The following DCAF17 variants were observed in gnomAD, a reference collection of about 807,000 sequenced individuals.
The protein encoded by DCAF17 is DDB1- and CUL4-associated factor 17.
DCAF17 carries 48 observed loss-of-function variants against 66.0 expected under a neutral mutation model. The observed-to-expected ratio is 0.73, with a 90% CI of 0.58 to 0.92. The LOEUF (loss-of-function observed/expected upper bound fraction) is 0.92. Among genes scored for constraint, DCAF17 ranks in the 40% least tolerant of loss-of-function variants. The pLI, the probability that DCAF17 is intolerant of heterozygous loss-of-function variation, is 0.00. For synonymous variants in DCAF17, 206 were observed against 214.6 expected (o/e 0.96, Z 0.35); for missense variants, 562 against 622.8 (o/e 0.90, Z 1.04).
chr2:171,468,802 T>C, intron 8 of DCAF17, 86 bp from the exon 9 acceptor site: 1 of 1,538,814 alleles, frequency 6.5e-7, no homozygotes, highest in African/African-American at 1.4e-5. Flanking sequence ...AGATGTTGCA[T>C]GCAAAGAAAG....
chr2:171,436,503 G>A (rs998898633), intron 2 of DCAF17, among the ~76,000 whole-genome samples: 1 of 152,180 alleles, frequency 6.6e-6, no homozygotes, highest in African/African-American at 2.4e-5. Context: ...GTGACTCACA[G>A]CATCTCACTG....
chr2:171,450,014 G>T (rs1430624409), intron 5 of DCAF17, 57 bp downstream of exon 5: 36 of 1,404,218 alleles, frequency 2.6e-5, no homozygotes, highest in Non-Finnish European at 3.5e-5. Context: ...GAATTTGTCT[G>T]CAGATTTGTT....
At chr2:171,471,281 A>G (rs986096214) in intron 9 of DCAF17, among the ~76,000 whole-genome samples, 2 of 151,560 alleles carry the variant, frequency 1.3e-5, no homozygotes, top group South Asian at 4.2e-4. Flanking sequence ...GTAGATAACT[A>G]AAAAAAATGT....
rs1241627158 is a variant in DCAF17, at chr2:171,479,744, A to G, written c.1267-294A>G. The G allele has an allele frequency of 1.7e-5, 6 of 351,172 alleles. No individual in the cohort carries two copies. The East Asian group carries it at 2.9e-4, about 17-fold the overall frequency. The allele number at this position is 351,172 out of a possible 1,614,324, so 21.8% of individuals were successfully genotyped here. ...CAGTTGAATACTCTTTTAAATTTAG[A>G]GAATCTCTGATTTGCTGTCACTGTG... On this transcript the variant is annotated intron_variant, in intron 12 of 13. Transcript: ENST00000375255.
intron 8 of DCAF17, among the ~76,000 whole-genome samples, chr2:171,462,996 C>T (rs1232739783): frequency 1.3e-5 from 2 of 151,970 alleles, no homozygotes; most frequent in Non-Finnish European, 2.9e-5. Context: ...CTTTGGGAAG[C>T]GAGGCAAGTG....
At chr2:171,464,180 C>G (rs1475774965) in intron 8 of DCAF17, among the ~76,000 whole-genome samples, 1 of 152,110 alleles carries the variant, frequency 6.6e-6, no homozygotes, top group African/African-American at 2.4e-5. Flanking sequence ...TGATAGGGGG[C>G]CATTTTATTA....
At chr2:171,475,149 T>C (rs1002757342) in intron 10 of DCAF17, among the ~76,000 whole-genome samples, 1 of 152,206 alleles carries the variant, frequency 6.6e-6, no homozygotes, top group African/African-American at 2.4e-5. Context: ...TCCCTCTGTT[T>C]GAAGTCTGTT....
Position 171,480,079 on chromosome 2 carries a change from T to C in DCAF17, c.1308T>C (p.Leu436=). ...IVDYEDELDL[L]SVVAVTQIDA... ...ACTATGAAGATGAGTTAGATTTGCT[T>C]TCTGTGGTAGCTGTTACTCAAATAG... Residue 436 remains leucine, a synonymous_variant, in exon 13 of 14, where the codon CTT becomes CTC. Coordinates refer to ENST00000375255, the MANE Select transcript of DCAF17 (RefSeq NM_025000.4). The C allele has an allele frequency of 6.2e-7, 1 of 1,613,806 alleles. No individual in the cohort carries two copies. Among genetic ancestry groups the C allele is most frequent in the South Asian group, 1.1e-5 (1 of 91,084 alleles).
Position 171,481,886 on chromosome 2 carries a change from AGTG to A in DCAF17, c.*773_*775del. 2.2e-6 allele frequency: 1 copy of A among 454,030 alleles called. No homozygotes were observed. 28.1% of individuals were successfully genotyped at this position (454,030 alleles called of 1,614,324 possible). On this transcript the variant is annotated 3_prime_UTR_variant, in exon 14 of 14. Transcript: ENST00000375255. The stretch of plus-strand genomic sequence containing the variant: ...TCTCATCTCACCATTCTACTCATTT[AGTG>A]AGTTTTCTGATCTTGTTTAGGCAAT...
At position 171,473,917 on chromosome 2, in the gene DCAF17, A is replaced by G; in HGVS notation, c.1033A>G (p.Ile345Val). Residue 345 changes from isoleucine to valine, a missense_variant, in exon 10 of 14, where the codon ATC (isoleucine) becomes GTC (valine). Around this residue, in one of 3 missense-constraint regions of DCAF17, gnomAD observed 201 missense variants for 231.1 expected, o/e 0.87. Transcript: ENST00000375255. ...TTGTTGTTCTCTAGAATCTGACTGG[A>G]TCTATTTCCATCCTGATGCTTCTGG... Reference protein sequence around the residue: ...MDCCSLESDWIYFHPDASGRI... With the variant: ...MDCCSLESDWVYFHPDASGRI... 1 of 1,613,818 alleles carries G rather than the reference A, an allele frequency of 6.2e-7. No homozygotes were observed. Among genetic ancestry groups the G allele is most frequent in the Non-Finnish European group, 8.5e-7 (1 of 1,179,854 alleles).
chr2:171,478,884 T>G (rs2105811682), intron 12 of DCAF17, among the ~76,000 whole-genome samples: 1 of 152,290 alleles, frequency 6.6e-6, no homozygotes, highest in South Asian at 2.1e-4. Flanking sequence ...TAAAACTGTA[T>G]TCCAGAAAGA....
intron 2 of DCAF17, among the ~76,000 whole-genome samples, chr2:171,440,451 T>C (rs1235160906): frequency 6.6e-6 from 1 of 152,088 alleles, no homozygotes; most frequent in Admixed American, 6.5e-5. Context: ...GGCACACACC[T>C]GTAGTCCCAG....
In DCAF17 at chr2:171,434,624, G is replaced by A; in HGVS notation, c.47G>A (p.Arg16Gln). The change falls in exon 1 of 14, where the codon CGG (arginine) becomes CAG (glutamine). Residue 16 changes from arginine (R) to glutamine (Q), a missense_variant. Around this residue, in one of 3 missense-constraint regions of DCAF17, gnomAD observed 348 missense variants for 355.9 expected, o/e 0.98. Coordinates refer to ENST00000375255, the MANE Select transcript of DCAF17 (RefSeq NM_025000.4). ...KPNVCSRLSRRALGCFSRDAG... is the reference protein window; with the variant it reads ...KPNVCSRLSRQALGCFSRDAG... ...AACGTGTGCAGCCGGCTGAGTCGCC[G>A]GGCGCTGGGCTGCTTCTCGCGCGAC... The A allele has an allele frequency of 6.5e-7, 1 of 1,531,086 alleles. No individual in the cohort carries two copies. Among genetic ancestry groups the A allele is most frequent in the Non-Finnish European group, 8.7e-7 (1 of 1,146,728 alleles). The allele number at this position is 1,531,086 out of a possible 1,614,324, so 94.8% of individuals were successfully genotyped here.
Position 171,435,154 on chromosome 2 carries a change from A to G in DCAF17, c.198A>G (p.Ile66Met), listed in dbSNP as rs775568340. 5.6e-6 allele frequency: 9 copies of G among 1,613,710 alleles called. No individual in the cohort carries two copies. The highest frequency in any genetic ancestry group is 3.3e-5 in the Admixed American group (2 of 60,020). The change falls in exon 2 of 14, where the codon ATA becomes ATG. Residue 66 changes from isoleucine to methionine, a missense_variant. This residue lies in a region of DCAF17 where 348 missense variants were observed against 355.9 expected (regional missense o/e 0.98). Coordinates refer to ENST00000375255, the MANE Select transcript of DCAF17 (RefSeq NM_025000.4). ...RSPIAYERGRIYFDNYRRCVS... is the reference protein window; with the variant it reads ...RSPIAYERGRMYFDNYRRCVS... ...CTATAGCCTATGAGAGAGGAAGAAT[A>G]TATTTTGACAATTATCGGCGCTGTG...
At chr2:171,467,221 TA>T (rs143808941) in intron 8 of DCAF17, among the ~76,000 whole-genome samples, 17,432 of 149,660 alleles carry the variant, frequency 0.12, 1,170 homozygotes, top group Non-Finnish European at 0.15. Context: ...TTGCCACAAT[TA>T]AAAAAAAAAT....
Position 171,483,408 on chromosome 2 carries a change from T to C in DCAF17, c.*2294T>C. On this transcript the variant is annotated 3_prime_UTR_variant, in exon 14 of 14. Transcript: ENST00000375255. Reference sequence around the variant, plus strand: ...CCATCAGCAGGTACAGACGTTACGCTGAAAAGAGGTGCATTCTGCATTGCA... The same window carrying C: ...CCATCAGCAGGTACAGACGTTACGCCGAAAAGAGGTGCATTCTGCATTGCA... 1 of 454,104 alleles carries C rather than the reference T, an allele frequency of 2.2e-6. No individual in the cohort carries two copies. Among genetic ancestry groups the C allele is most frequent in the South Asian group, 1.6e-5 (1 of 64,476 alleles). The allele number at this position is 454,104 out of a possible 1,614,324, so 28.1% of individuals were successfully genotyped here. A position where few individuals can be genotyped will look rare whatever the true frequency, so the allele number is the denominator to read the frequency against.
rs150187836 is a variant in DCAF17, at chr2:171,468,965, G to A, written c.916G>A (p.Val306Ile). 60 of 1,614,016 alleles carry A rather than the reference G, an allele frequency of 3.7e-5. No homozygotes were observed. In the African/African-American group the frequency reaches 4.0e-4, roughly 11 times the overall value. The change falls in exon 9 of 14, where the codon GTC becomes ATC. Residue 306 changes from valine to isoleucine, a missense_variant. Transcript: ENST00000375255. Reference protein sequence around the residue: ...QIGGHPWHYIVTPNKKKQKGV... With the variant: ...QIGGHPWHYIITPNKKKQKGV... Reference sequence around the variant, plus strand: ...TGGAGGCCATCCTTGGCACTACATCGTCACACCTAATAAGAAGAAACAGAA... The same window carrying A: ...TGGAGGCCATCCTTGGCACTACATCATCACACCTAATAAGAAGAAACAGAA...
At chr2:171,436,997 C>T (rs1002587329) in intron 2 of DCAF17, among the ~76,000 whole-genome samples, 151 of 152,190 alleles carry the variant, frequency 9.9e-4, no homozygotes, top group African/African-American at 3.5e-3. Flanking sequence ...TGGTCTCGAA[C>T]GCCCAGCTTC....
chr2:171,451,858 T>A (rs1356685017), intron 5 of DCAF17, among the ~76,000 whole-genome samples: 2 of 152,178 alleles, frequency 1.3e-5, no homozygotes, highest in African/African-American at 4.8e-5. Context: ...TGGCTAAGAA[T>A]TTTTTTAAGT....
Sources: gnomAD v4.1 joint callset for allele counts (sites outside exome capture counted in the v4.1 genomes callset) on GRCh38, gnomAD v4.1.1 for gene constraint, gnomAD v4.1.1 regional missense constraint, MANE v1.5 for transcripts, NCBI Gene and HGNC (gene_info 2026-07-23, HGNC 2026-07-21) for gene names.